SBF2: variants seen among roughly 807,000 people sequenced by gnomAD.
SBF2 encodes myotubularin-related protein 13.
In SBF2, 112 loss-of-function variants were observed where a neutral mutation model predicts 225.2. The ratio of observed to expected loss-of-function variants is 0.50; its 90% confidence interval spans 0.43 to 0.58. The LOEUF is 0.58. SBF2 is among the 20% of genes least tolerant of loss of function. The pLI is 0.00. For synonymous variants in SBF2, 763 were observed against 773.3 expected (o/e 0.99, Z 0.22); for missense variants, 1,996 against 2,206.2 (o/e 0.90, Z 1.91).
intron 16 of SBF2, among the ~76,000 whole-genome samples, chr11:9,937,850 T>G (rs548531290): frequency 4.6e-5 from 7 of 152,162 alleles, no homozygotes; most frequent in African/African-American, 1.7e-4. Context: ...AGAAAAATAC[T>G]TCACTCACAA....
Position 9,923,849 on chromosome 11 carries a change from G to A in SBF2, c.1861-27838C>T, listed in dbSNP as rs186196461. 3.9e-5 allele frequency among the ~76,000 whole-genome samples: 6 copies of A among 152,110 alleles called. No individual in the cohort carries two copies. The East Asian group carries it at 1.2e-3, about 29-fold the overall frequency. ...TATTGCAATAAAATCCAAACTAAGA[G>A]GATTTCACTGAAGTATAAAGTGTGA... On this transcript the variant is annotated intron_variant, in intron 16 of 39. Transcript: ENST00000256190.
intron 17 of SBF2, among the ~76,000 whole-genome samples, chr11:9,887,322 A>C (rs886350549): frequency 3.3e-5 from 5 of 152,068 alleles, no homozygotes; most frequent in Admixed American, 6.5e-5. Context: ...AAATTGCCCC[A>C]GTTTCCTTCT....
chr11:9,864,228 G>A (rs996659624), intron 17 of SBF2, among the ~76,000 whole-genome samples: 2 of 152,138 alleles, frequency 1.3e-5, no homozygotes, highest in Non-Finnish European at 1.5e-5. Flanking sequence ...AGATTGAACA[G>A]TACAAGTATC....
intron 2 of SBF2, among the ~76,000 whole-genome samples, chr11:10,091,964 T>C (rs965247474): frequency 6.6e-6 from 1 of 152,208 alleles, no homozygotes; most frequent in Non-Finnish European, 1.5e-5. Flanking sequence ...ATTAGTCAAG[T>C]AATAGTTTAG....
At chr11:10,225,790 A>G (rs890881972) in intron 1 of SBF2, among the ~76,000 whole-genome samples, 2 of 152,166 alleles carry the variant, frequency 1.3e-5, no homozygotes, top group African/African-American at 2.4e-5. Flanking sequence ...AGACTCAACC[A>G]TTTGTAATAA....
chr11:10,155,193 G>A (rs1955406260), intron 2 of SBF2, among the ~76,000 whole-genome samples: 1 of 152,146 alleles, frequency 6.6e-6, no homozygotes, highest in Admixed American at 6.5e-5. Context: ...TTCAGTAATT[G>A]TTTCACTATC....
At chr11:10,212,564 G>T (rs562355801) in intron 1 of SBF2, among the ~76,000 whole-genome samples, 27 of 152,210 alleles carry the variant, frequency 1.8e-4, no homozygotes, top group African/African-American at 6.3e-4. Flanking sequence ...AAATCTATAG[G>T]TATTAGACAT....
chr11:10,267,698 T>C (rs2135528627), intron 1 of SBF2, among the ~76,000 whole-genome samples: 1 of 152,222 alleles, frequency 6.6e-6, no homozygotes, highest in Admixed American at 6.5e-5. Context: ...CAGATGGCTA[T>C]ACAAACCCGA....
intron 33 of SBF2, among the ~76,000 whole-genome samples, chr11:9,793,950 AGCAAAACAAACT>A (rs1280930743): frequency 1.3e-5 from 2 of 152,244 alleles, no homozygotes; most frequent in East Asian, 3.8e-4. Context: ...AGCTTAATTC[AGCAAAACAAACT>A]GCTTTATTAA....
At chr11:9,956,738 C>T (rs1236699596) in intron 16 of SBF2, 1 of 152,000 alleles carries the variant, frequency 6.6e-6, no homozygotes, top group Admixed American at 6.6e-5. Flanking sequence ...GAAGCAAACA[C>T]AAAAACCAGA....
At chr11:9,998,434 C>G (rs1224898125) in intron 8 of SBF2, 55 bp from the exon 9 acceptor site, 34 of 985,362 alleles carry the variant, frequency 3.5e-5, no homozygotes, top group Non-Finnish European at 5.5e-5. Flanking sequence ...TGTTGTTAAG[C>G]AAATTATTTT....
intron 28 of SBF2, among the ~76,000 whole-genome samples, chr11:9,826,767 G>GTA (rs370246843): frequency 1.5e-4 from 23 of 151,222 alleles, no homozygotes; most frequent in South Asian, 4.2e-4. Context: ...GTGTGTGTAT[G>GTA]TATATATATA....
At position 9,786,765 on chromosome 11, in the gene SBF2, G is replaced by C. The variant is rs772870668; in HGVS notation, c.5037+869C>G. 3.3e-5 allele frequency among the ~76,000 whole-genome samples: 5 copies of C among 152,310 alleles called. No individual in the cohort carries two copies. The East Asian group carries it at 9.6e-4, about 29-fold the overall frequency. ...CCATTCCCTCACAGTGGATTAAATA[G>C]GATACGAAGGTGTGTACTGTACTAA... On this transcript the variant is annotated intron_variant, in intron 36 of 39. Transcript: ENST00000256190.
At chr11:9,933,801 A>T (rs1422290023) in intron 16 of SBF2, among the ~76,000 whole-genome samples, 1 of 152,228 alleles carries the variant, frequency 6.6e-6, no homozygotes, top group Non-Finnish European at 1.5e-5. Flanking sequence ...GCAAGAAATA[A>T]CTAAGATCAG....
intron 17 of SBF2, among the ~76,000 whole-genome samples, chr11:9,874,904 T>C (rs1203360038): frequency 6.6e-6 from 1 of 152,200 alleles, no homozygotes; most frequent in Non-Finnish European, 1.5e-5. Flanking sequence ...AGTTAAAATG[T>C]TATATGAAGA....
At chr11:9,834,343 C>T (rs1350689152) in intron 26 of SBF2, among the ~76,000 whole-genome samples, 4 of 152,176 alleles carry the variant, frequency 2.6e-5, no homozygotes, top group East Asian at 1.9e-4. Context: ...CTGCCCGCCT[C>T]GGCCTCCCAA....
chr11:9,906,094 C>T (rs1862094207), intron 16 of SBF2, among the ~76,000 whole-genome samples: 1 of 152,174 alleles, frequency 6.6e-6, no homozygotes, highest in Non-Finnish European at 1.5e-5. Context: ...TTATTCCTCA[C>T]CCCCTTAGGA....
rs556458326 is a variant in SBF2 at position 9,869,485 on chromosome 11, A to C, written c.1930-11089T>G. 6.6e-5 allele frequency among the ~76,000 whole-genome samples: 10 copies of C among 152,122 alleles called. No homozygotes were observed. In the South Asian group the frequency reaches 2.1e-3, roughly 32 times the overall value. ...AGGTTCATGCCACCATGCCTGGCTA[A>C]TTTTTGTATTTTTAGTAGAGACAGG... On this transcript the variant is annotated intron_variant, in intron 17 of 39. Transcript: ENST00000256190.
At chr11:10,128,285 T>C (rs537977613) in intron 2 of SBF2, among the ~76,000 whole-genome samples, 12 of 152,320 alleles carry the variant, frequency 7.9e-5, no homozygotes, top group African/African-American at 2.6e-4. Flanking sequence ...TACTACCATA[T>C]AGAGAGCACC....
Sources: allele counts gnomAD v4.1 joint callset (sites outside exome capture counted in the v4.1 genomes callset), GRCh38; gene constraint gnomAD v4.1.1; transcripts MANE v1.5; gene names NCBI Gene and HGNC (gene_info 2026-07-23, HGNC 2026-07-21).